AOPEP: variants seen among roughly 807,000 people sequenced by gnomAD.
AOPEP encodes the protein aminopeptidase O.
AOPEP carries 77 observed loss-of-function variants against 98.1 expected under a neutral mutation model. The ratio of observed to expected loss-of-function variants is 0.78; its 90% CI spans 0.65 to 0.95. The LOEUF (loss-of-function observed/expected upper bound fraction) is 0.95. AOPEP is among the 40% of genes least tolerant of loss of function. AOPEP has a pLI of 0.00. For synonymous variants in AOPEP, 346 were observed against 365.3 expected (o/e 0.95, Z 0.60); for missense variants, 1,024 against 1,024.7 (o/e 1.00, Z 0.01).
intron 3 of AOPEP, among the ~76,000 whole-genome samples, chr9:94,778,452 A>G (rs1054659082): frequency 1.3e-5 from 2 of 152,168 alleles, no homozygotes. Context: ...TCAAAAAAAA[A>G]AAAAATAGCT....
At position 94,883,711 on chromosome 9, in the gene AOPEP, G is replaced by A. The variant is rs1384532944; in HGVS notation, c.1365-40275G>A. Among the ~76,000 whole-genome samples, 2 of 152,220 alleles carry A rather than the reference G, an allele frequency of 1.3e-5. 1 individual carries two copies. The highest frequency in any genetic ancestry group is 1.3e-4 in the Admixed American group (2 of 15,286). On this transcript the variant is annotated intron_variant, in intron 5 of 16. Coordinates refer to ENST00000375315, the MANE Select transcript of AOPEP (RefSeq NM_001193329.3). ...AAGTTCTAAGAATAAGTACCTCTAA[G>A]TATCAGAAAAATATATTTCTCTCAT...
At chr9:95,080,448 C>T (rs567486128) in intron 14 of AOPEP, among the ~76,000 whole-genome samples, 3 of 152,248 alleles carry the variant, frequency 2.0e-5, no homozygotes, top group Non-Finnish European at 4.4e-5. Context: ...ACCCGGGAGG[C>T]AGAGGTTGCA....
intron 5 of AOPEP, among the ~76,000 whole-genome samples, chr9:94,845,237 A>G (rs906713293): frequency 5.3e-5 from 8 of 152,238 alleles, no homozygotes; most frequent in African/African-American, 1.9e-4. Flanking sequence ...TCCAGCACAG[A>G]CAAGACACAG....
intron 5 of AOPEP, among the ~76,000 whole-genome samples, chr9:94,858,416 G>T (rs928227817): frequency 2.0e-5 from 3 of 152,178 alleles, no homozygotes; most frequent in African/African-American, 7.2e-5. Flanking sequence ...CACAGTTCTG[G>T]AGACCAGAAG....
chr9:94,994,921 AT>A (rs911921855), intron 11 of AOPEP, among the ~76,000 whole-genome samples: 2 of 152,316 alleles, frequency 1.3e-5, no homozygotes, highest in African/African-American at 4.8e-5. Context: ...ACTGCACTCT[AT>A]CCCGGGCAAC....
At chr9:94,743,730 G>C (rs563497536) in intron 1 of AOPEP, among the ~76,000 whole-genome samples, 24 of 152,108 alleles carry the variant, frequency 1.6e-4, no homozygotes, top group Admixed American at 1.4e-3. Flanking sequence ...GAGTGGACCC[G>C]GGGGTGAGGA....
intron 1 of AOPEP, among the ~76,000 whole-genome samples, chr9:94,739,159 C>G (rs1832488740): frequency 6.6e-6 from 1 of 152,148 alleles, no homozygotes; most frequent in South Asian, 2.1e-4. Context: ...TGCCTCCACC[C>G]ACCCATCTCC....
At chr9:94,878,403 T>A (rs1472796742) in intron 5 of AOPEP, among the ~76,000 whole-genome samples, 1 of 151,356 alleles carries the variant, frequency 6.6e-6, no homozygotes, top group Non-Finnish European at 1.5e-5. Flanking sequence ...CTTGGTGTGG[T>A]CCTTTCCAAC....
chr9:95,110,921 C>A, the AOPEP span: 4 of 1,319,644 alleles, frequency 3.0e-6, no homozygotes, highest in African/African-American at 1.5e-5. Context: ...TAGGAAATGA[C>A]CAACTTCTTT....
rs199836530 is a variant in AOPEP at position 95,039,445 on chromosome 9, AC to A, written c.2116-21247del. Among the ~76,000 whole-genome samples the A allele has an allele frequency of 3.9e-4, 59 of 152,192 alleles. 1 individual carries two copies. The East Asian group carries it at 0.011, about 29-fold the overall frequency. On this transcript the variant is annotated intron_variant, in intron 13 of 16. Coordinates refer to ENST00000375315, the MANE Select transcript of AOPEP (RefSeq NM_001193329.3). ...AAATGATGCAAGTGTGATGGTGCAC[AC>A]CTGTAGTTCCAGCAACTTGGAAGGC...
chr9:94,778,478 A>G (rs1842643509), intron 3 of AOPEP, among the ~76,000 whole-genome samples: 1 of 152,158 alleles, frequency 6.6e-6, no homozygotes, highest in Non-Finnish European at 1.5e-5. Flanking sequence ...CACCTGCAAC[A>G]ATATGGATGA....
At chr9:95,091,985 A>C (rs1319074806), downstream of AOPEP, among the ~76,000 whole-genome samples, 4 of 151,984 alleles carry the variant, frequency 2.6e-5, no homozygotes, top group Non-Finnish European at 4.4e-5. Flanking sequence ...GAAGAGAAGA[A>C]AGGCTGAGAG....
chr9:94,815,792 C>T (rs1028383665), intron 5 of AOPEP, among the ~76,000 whole-genome samples: 3 of 152,180 alleles, frequency 2.0e-5, no homozygotes, highest in Non-Finnish European at 2.9e-5. Context: ...CTCATAGTAA[C>T]TGCTATCATT....
rs1052868979 is a variant in AOPEP at position 94,727,087 on chromosome 9, G to C, written c.-136+336G>C. Among the ~76,000 whole-genome samples, 6 of 152,300 alleles carry C rather than the reference G, an allele frequency of 3.9e-5. No individual in the cohort carries two copies. The South Asian group carries it at 1.0e-3, about 26-fold the overall frequency. ...GCCTCCAGGCCCTCGGTCACCTGCC[G>C]GTCTCGGCTTCTAGCCCCACAGGGC... On this transcript the variant is annotated intron_variant, in intron 1 of 16. Coordinates refer to ENST00000375315, the MANE Select transcript of AOPEP (RefSeq NM_001193329.3).
At chr9:94,856,590 G>A (rs545236422) in intron 5 of AOPEP, among the ~76,000 whole-genome samples, 7 of 150,264 alleles carry the variant, frequency 4.7e-5, no homozygotes, top group South Asian at 4.2e-4. Flanking sequence ...GTGGTAAGCC[G>A]AGATCGTGCC....
At chr9:94,941,652 A>G (rs1296394015) in intron 7 of AOPEP, among the ~76,000 whole-genome samples, 1 of 152,244 alleles carries the variant, frequency 6.6e-6, no homozygotes, top group Non-Finnish European at 1.5e-5. Flanking sequence ...GATGACAGAC[A>G]TGTCCTGAAT....
chr9:94,955,378 A>G (rs2058381784), intron 8 of AOPEP, 99 bp downstream of exon 8: 1 of 733,128 alleles, frequency 1.4e-6, no homozygotes, highest in South Asian at 1.8e-5. Context: ...TGAGGTGAAA[A>G]TACTGTAATG....
chr9:95,005,701 G>T, intron 13 of AOPEP, 85 bp downstream of exon 13: 1 of 1,066,956 alleles, frequency 9.4e-7, no homozygotes. Context: ...CAATAGAGTA[G>T]TGTTTAATTT....
At chr9:94,796,983 C>T (rs1364205457) in intron 4 of AOPEP, among the ~76,000 whole-genome samples, 1 of 152,064 alleles carries the variant, frequency 6.6e-6, no homozygotes, top group Non-Finnish European at 1.5e-5. Context: ...ATGGGCACTA[C>T]AAAGAAGAAA....
Sources: allele counts gnomAD v4.1 joint callset (sites outside exome capture counted in the v4.1 genomes callset), GRCh38; gene constraint gnomAD v4.1.1; transcripts MANE v1.5; gene names NCBI Gene and HGNC (gene_info 2026-07-23, HGNC 2026-07-21).